FRMD8: variants seen among roughly 807,000 people sequenced by gnomAD.
FRMD8 encodes FERM domain-containing protein 8.
FRMD8 carries 37 observed loss-of-function variants against 54.2 expected under a neutral mutation model. The ratio of observed to expected loss-of-function variants is 0.68; its 90% CI spans 0.53 to 0.90. The LOEUF (loss-of-function observed/expected upper bound fraction) is 0.90, where lower values mean the gene tolerates loss of function less well. Among genes scored for constraint, FRMD8 ranks in the 40% least tolerant of loss-of-function variants. The probability of loss-of-function intolerance (pLI) is 0.00; values close to 1 mark genes in which losing one functional copy is unlikely to be tolerated. For synonymous variants in FRMD8, 246 were observed against 286.9 expected (o/e 0.86, Z 1.44); for missense variants, 585 against 653.7 (o/e 0.89, Z 1.15).
chr11:65,393,606 A>G lies in FRMD8; in HGVS notation c.287A>G (p.Lys96Arg). The change falls in exon 4 of 11, where the codon AAG becomes AGG. Residue 96 changes from lysine to arginine, a missense_variant. Lys to Arg is a conservative substitution (Grantham distance 26). Transcript: ENST00000317568. ...VQLKPKHQPYKLGRQWPELLL... is the reference protein window; with the variant it reads ...VQLKPKHQPYRLGRQWPELLL... ...CTGAAACCCAAGCACCAGCCCTACAAGCTGGGACGCCAGTGGCCGGAGCTG... is the reference window on the plus strand; with the variant it reads ...CTGAAACCCAAGCACCAGCCCTACAGGCTGGGACGCCAGTGGCCGGAGCTG... 5.6e-6 allele frequency: 9 copies of G among 1,609,080 alleles called. No homozygotes were observed. Among genetic ancestry groups the G allele is most frequent in the Non-Finnish European group, 6.8e-6 (8 of 1,179,964 alleles).
chr11:65,394,165 A>C (rs1855897351), intron 5 of FRMD8, 66 bp downstream of exon 5: 1 of 1,602,486 alleles, frequency 6.2e-7, no homozygotes, highest in Non-Finnish European at 8.5e-7. Context: ...CTGTCCCTAG[A>C]CCCCTGGACA....
the FRMD8 span, among the ~76,000 whole-genome samples, chr11:65,372,026 C>T: frequency 6.6e-6 from 1 of 152,306 alleles, no homozygotes; most frequent in East Asian, 1.9e-4. Flanking sequence ...ATTCTCCTGC[C>T]TCAGCCTCCT....
the FRMD8 span, among the ~76,000 whole-genome samples, chr11:65,369,660 G>T: frequency 4.6e-5 from 7 of 151,926 alleles, no homozygotes; most frequent in Non-Finnish European, 7.4e-5. Flanking sequence ...AACCAGGGAG[G>T]TGGGTTACAT....
At chr11:65,402,472 CT>C (rs1251032738) in intron 9 of FRMD8, among the ~76,000 whole-genome samples, 1 of 152,002 alleles carries the variant, frequency 6.6e-6, no homozygotes, top group Non-Finnish European at 1.5e-5. Context: ...ATATGTGTGT[CT>C]TTCACTGATA....
At chr11:65,390,220 T>G (rs984652714) in intron 3 of FRMD8, among the ~76,000 whole-genome samples, 1 of 152,056 alleles carries the variant, frequency 6.6e-6, no homozygotes, top group African/African-American at 2.4e-5. Flanking sequence ...ATGGAGGGAC[T>G]TAAGGGCGGT....
At chr11:65,376,829 CCTT>C in the FRMD8 span, 3 of 1,614,230 alleles carry the variant, frequency 1.9e-6, no homozygotes, top group Non-Finnish European at 2.5e-6. Flanking sequence ...GGGATTCTGG[CCTT>C]CTGGTGTGTA....
At chr11:65,385,886 C>T (rs1459035376), upstream of FRMD8, among the ~76,000 whole-genome samples, 1 of 150,778 alleles carries the variant, frequency 6.6e-6, no homozygotes, top group East Asian at 2.0e-4. Context: ...GCTCCGCCCC[C>T]TGGGGTTCAC....
chr11:65,386,786 C>T, intron 1 of FRMD8, 25 bp downstream of exon 1: 1 of 544,406 alleles, frequency 1.8e-6, no homozygotes, highest in Non-Finnish European at 3.2e-6. Flanking sequence ...ACGTCTGGCC[C>T]GGGCCTCCGT....
chr11:65,388,833 A>T (rs976019795), intron 2 of FRMD8, among the ~76,000 whole-genome samples: 1 of 152,226 alleles, frequency 6.6e-6, no homozygotes, highest in South Asian at 2.1e-4. Context: ...TCTTAGCCTC[A>T]GTCAGAGAGA....
the FRMD8 span, chr11:65,379,600 G>T: frequency 1.3e-6 from 2 of 1,565,652 alleles, no homozygotes; most frequent in East Asian, 4.5e-5. Flanking sequence ...AGGCACCGTG[G>T]GGCCTCCCCT....
intron 10 of FRMD8, 115 bp downstream of exon 10, chr11:65,405,183 C>A: frequency 9.7e-7 from 1 of 1,025,776 alleles, no homozygotes; most frequent in Non-Finnish European, 1.5e-6. Flanking sequence ...TGTGAGCTGG[C>A]CTCCATCTCA....
At chr11:65,401,750 G>C (rs935286131) in intron 9 of FRMD8, among the ~76,000 whole-genome samples, 1 of 147,114 alleles carries the variant, frequency 6.8e-6, no homozygotes, top group Non-Finnish European at 1.5e-5. Context: ...CCCCCCTCGA[G>C]GGCACTCCTC....
chr11:65,405,322 T>C (rs1022827661), intron 10 of FRMD8, among the ~76,000 whole-genome samples: 1 of 152,206 alleles, frequency 6.6e-6, no homozygotes, highest in African/African-American at 2.4e-5. Context: ...TCAACATCTG[T>C]TACTGAAGTG....
the FRMD8 span, among the ~76,000 whole-genome samples, chr11:65,372,210 C>T: frequency 6.6e-6 from 1 of 152,204 alleles, no homozygotes; most frequent in East Asian, 1.9e-4. Flanking sequence ...CCATGCCTAG[C>T]CAACATCTAG....
chr11:65,397,140 T>A (rs986790305), intron 7 of FRMD8, 120 bp downstream of exon 7: 20 of 559,398 alleles, frequency 3.6e-5, no homozygotes, highest in South Asian at 1.7e-4. Context: ...TGAAGTGGTG[T>A]CTTGTCACGA....
chr11:65,371,937 A>G, the FRMD8 span, among the ~76,000 whole-genome samples: 1 of 150,576 alleles, frequency 6.6e-6, no homozygotes, highest in Non-Finnish European at 1.5e-5. Context: ...TTTGAGATAG[A>G]GTCTCTCTCT....
At chr11:65,393,526 T>A in intron 3 of FRMD8, 47 bp from the exon 4 acceptor site, 1 of 1,437,298 alleles carries the variant, frequency 7.0e-7, no homozygotes, top group Non-Finnish European at 9.7e-7. Context: ...GGGCAGCCAC[T>A]GGACTGGCCG....
At chr11:65,389,126 G>A (rs1855788660) in intron 2 of FRMD8, among the ~76,000 whole-genome samples, 1 of 152,204 alleles carries the variant, frequency 6.6e-6, no homozygotes, top group South Asian at 2.1e-4. Context: ...TGGGTTTCTG[G>A]GTGGTTTAAG....
intron 3 of FRMD8, among the ~76,000 whole-genome samples, chr11:65,391,267 G>A (rs1014492659): frequency 3.3e-5 from 5 of 152,242 alleles, no homozygotes; most frequent in South Asian, 4.1e-4. Context: ...CTGGGACTGC[G>A]GGAGTTCTGA....
Sources: allele counts gnomAD v4.1 joint callset (sites outside exome capture counted in the v4.1 genomes callset), GRCh38; gene constraint gnomAD v4.1.1; transcripts MANE v1.5; gene names NCBI Gene and HGNC (gene_info 2026-07-23, HGNC 2026-07-21).